Variants in RC3H2 observed in about 807,000 individuals in gnomAD.
RC3H2 encodes roquin-2.
RC3H2 carries 31 observed loss-of-function variants against 133.3 expected under a neutral mutation model. The ratio of observed to expected loss-of-function variants is 0.23; its 90% CI spans 0.17 to 0.31. The LOEUF (loss-of-function observed/expected upper bound fraction) is 0.31. RC3H2 is among the 10% of genes least tolerant of loss of function. The pLI, the probability that RC3H2 is intolerant of heterozygous loss-of-function variation, is 1.00. For missense variants in RC3H2, 1,175 were observed against 1,437.2 expected (o/e 0.82, Z 2.95); for synonymous variants, 517 against 502.2 (o/e 1.03, Z -0.40).
chr9:122,886,771 TA>T (rs1281709205), intron 4 of RC3H2, among the ~76,000 whole-genome samples: 1 of 152,232 alleles, frequency 6.6e-6, no homozygotes, highest in Non-Finnish European at 1.5e-5. Flanking sequence ...CCCTAATAAC[TA>T]AATACACTCA....
chr9:122,870,261 G>C (rs1176910148), intron 9 of RC3H2, among the ~76,000 whole-genome samples: 1 of 151,942 alleles, frequency 6.6e-6, no homozygotes, highest in Non-Finnish European at 1.5e-5. Flanking sequence ...TGTAATCCCA[G>C]CTACTTGGGA....
At chr9:122,890,211 A>G in intron 4 of RC3H2, 101 bp downstream of exon 4, 2 of 802,502 alleles carry the variant, frequency 2.5e-6, no homozygotes, top group Non-Finnish European at 4.2e-6. Flanking sequence ...AGATTTGTAC[A>G]TATAAAGACG....
chr9:122,854,851 CCCA>C (rs1564284169), intron 15 of RC3H2, among the ~76,000 whole-genome samples: 4 of 152,128 alleles, frequency 2.6e-5, no homozygotes, highest in African/African-American at 9.7e-5. Flanking sequence ...CATATGTAAT[CCCA>C]GCACTTTGCG....
chr9:122,855,615 G>T (rs1830212923), intron 14 of RC3H2, 117 bp downstream of exon 14: 1 of 1,176,652 alleles, frequency 8.5e-7, no homozygotes, highest in Non-Finnish European at 1.2e-6. Context: ...TAACCCTGCT[G>T]CTACTGAGTT....
chr9:122,896,924 G>A (rs148772976), intron 2 of RC3H2, among the ~76,000 whole-genome samples: 2,391 of 150,716 alleles, frequency 0.016, 33 homozygotes, highest in South Asian at 0.065. Flanking sequence ...TACTTGGGAG[G>A]CTGAAGCAGG....
At chr9:122,865,680 A>C (rs1444815753) in intron 9 of RC3H2, 23 bp from the exon 10 acceptor site, 5 of 1,588,580 alleles carry the variant, frequency 3.1e-6, no homozygotes, top group Non-Finnish European at 4.3e-6. Flanking sequence ...CAATCAACAG[A>C]TTGGTGAATA....
intron 11 of RC3H2, among the ~76,000 whole-genome samples, chr9:122,859,310 G>GTC (rs1169607689): frequency 5.2e-5 from 7 of 133,952 alleles, no homozygotes; most frequent in Admixed American, 4.4e-4. Context: ...GCCCAGGCTG[G>GTC]TCGCAAACTC....
At chr9:122,893,666 G>C (rs1370260557) in intron 2 of RC3H2, among the ~76,000 whole-genome samples, 1 of 152,070 alleles carries the variant, frequency 6.6e-6, no homozygotes, top group African/African-American at 2.4e-5. Context: ...CAAGTTCTCT[G>C]AATAGTATTT....
rs185564096 is a variant in RC3H2 at position 122,881,849 on chromosome 9, G to C, written c.760-1055C>G. Among the ~76,000 whole-genome samples, 4 of 152,278 alleles carry C rather than the reference G, an allele frequency of 2.6e-5. No individual in the cohort carries two copies. In the East Asian group the frequency reaches 7.7e-4, roughly 29 times the overall value. The stretch of plus-strand genomic sequence containing the variant: ...TGATTGAGGATTTTTAAGCATAGAA[G>C]TGACATGATCAGATTTATGCTTTAA... On this transcript the variant is annotated intron_variant, in intron 5 of 20. Transcript: ENST00000357244.
chr9:122,867,510 C>T (rs1486433231), intron 9 of RC3H2, among the ~76,000 whole-genome samples: 2 of 19,744 alleles, frequency 1.0e-4, no homozygotes, highest in African/African-American at 2.0e-4. Context: ...GTGAGGGGCG[C>T]CTCTGCCCGG....
Position 122,853,707 on chromosome 9 carries a change from G to A in RC3H2, c.3117+245C>T, listed in dbSNP as rs561705065. The A allele has an allele frequency of 3.7e-5, 37 of 998,872 alleles. No homozygotes were observed. The African/African-American group carries it at 4.1e-4, about 11-fold the overall frequency. The allele number at this position is 998,872 out of a possible 1,614,324, so 61.9% of individuals were successfully genotyped here. On this transcript the variant is annotated intron_variant, in intron 18 of 20. Coordinates refer to ENST00000357244, the MANE Select transcript of RC3H2 (RefSeq NM_001100588.3). The stretch of plus-strand genomic sequence containing the variant: ...CCAGAGGCTGCAGTGAGCCAAGATC[G>A]TGCCATTGCACTCCAGGCGATAGAG...
At chr9:122,889,830 AATTAAG>A (rs1832082113) in intron 4 of RC3H2, among the ~76,000 whole-genome samples, 1 of 152,190 alleles carries the variant, frequency 6.6e-6, no homozygotes, top group Non-Finnish European at 1.5e-5. Flanking sequence ...CTATCATATA[AATTAAG>A]ATTAATAAAA....
intron 9 of RC3H2, among the ~76,000 whole-genome samples, chr9:122,871,250 T>C (rs1831073760): frequency 1.3e-5 from 2 of 152,142 alleles, no homozygotes. Context: ...GAGGTAATTA[T>C]CTTTTTTTCT....
intron 12 of RC3H2, 90 bp downstream of exon 12, chr9:122,858,579 G>T: frequency 1.9e-6 from 2 of 1,050,778 alleles, no homozygotes; most frequent in Non-Finnish European, 2.8e-6. Flanking sequence ...CACACAATTA[G>T]TAAGTGGAGG....
intron 1 of RC3H2, 67 bp downstream of exon 1, chr9:122,905,043 G>A (rs1461779195): frequency 2.1e-6 from 2 of 971,818 alleles, no homozygotes; most frequent in Non-Finnish European, 2.4e-6. Context: ...CTGGTCTCCC[G>A]CCCGACCGCC....
At chr9:122,870,647 T>G (rs7872023) in intron 9 of RC3H2, among the ~76,000 whole-genome samples, 34,371 of 152,040 alleles carry the variant, frequency 0.23, 5,271 homozygotes, top group East Asian at 0.65. Context: ...AAATCCTAAA[T>G]GCAAGTGATC....
chr9:122,855,653 A>G, intron 14 of RC3H2, 79 bp downstream of exon 14: 1 of 1,452,902 alleles, frequency 6.9e-7, no homozygotes. Flanking sequence ...ATGAATGAAT[A>G]GAAAACATTC....
intron 10 of RC3H2, among the ~76,000 whole-genome samples, chr9:122,863,019 C>T (rs1830517621): frequency 6.6e-6 from 1 of 151,962 alleles, no homozygotes; most frequent in African/African-American, 2.4e-5. Flanking sequence ...CAATTATCAC[C>T]ACTAATTCTG....
rs200582531 is a variant in RC3H2 at position 122,859,938 on chromosome 9, C to T, written c.1828G>A (p.Val610Ile). Residue 610 changes from valine to isoleucine, a missense_variant, in exon 11 of 21, where the codon GTC becomes ATC. This residue lies in a region of RC3H2 where 490 missense variants were observed against 492.8 expected (regional missense o/e 0.99). Transcript: ENST00000357244. ...TCACCTGTCTGTGGGTACTGTGGGA[C>T]TTCAAAGGGTATCTGAGTCCTTGGA... ...QDPRTQIPFE[V>I]PQYPQTGYYP... The T allele has an allele frequency of 3.1e-6, 5 of 1,613,564 alleles. No individual in the cohort carries two copies. Among genetic ancestry groups the T allele is most frequent in the Non-Finnish European group, 4.2e-6 (5 of 1,179,524 alleles).
Sources: gnomAD v4.1 joint callset for allele counts (sites outside exome capture counted in the v4.1 genomes callset) on GRCh38, gnomAD v4.1.1 for gene constraint, gnomAD v4.1.1 regional missense constraint, MANE v1.5 for transcripts, NCBI Gene and HGNC (gene_info 2026-07-23, HGNC 2026-07-21) for gene names.